CCDC7: variants seen among roughly 807,000 people sequenced by gnomAD.
The protein encoded by CCDC7 is coiled-coil domain containing 7, also known as coiled-coil domain-containing protein 7.
Under a neutral mutation model 196.9 loss-of-function variants are expected in CCDC7, and 183 were observed. The observed-to-expected ratio is 0.93, with a 90% CI of 0.82 to 1.05. CCDC7 has a LOEUF of 1.05. Ranked by LOEUF, CCDC7 falls within the 50% of genes least tolerant of loss-of-function variation. CCDC7 has a pLI of 0.00. For synonymous variants in CCDC7, 525 were observed against 484.6 expected (o/e 1.08, Z -1.10); for missense variants, 1,540 against 1,482.2 (o/e 1.04, Z -0.64).
At chr10:32,560,261 C>A (rs1192882262) in intron 13 of CCDC7, among the ~76,000 whole-genome samples, 1 of 152,156 alleles carries the variant, frequency 6.6e-6, no homozygotes, top group Non-Finnish European at 1.5e-5. Flanking sequence ...AGATATTATC[C>A]AGGAGAACTT....
At chr10:32,556,390 G>T (rs542868625) in intron 13 of CCDC7, among the ~76,000 whole-genome samples, 1 of 152,184 alleles carries the variant, frequency 6.6e-6, no homozygotes, top group East Asian at 1.9e-4. Context: ...GATGTTGTCT[G>T]GTACCTAGAC....
At chr10:32,682,541 G>C (rs755330919) in intron 21 of CCDC7, among the ~76,000 whole-genome samples, 3 of 152,152 alleles carry the variant, frequency 2.0e-5, no homozygotes, top group African/African-American at 7.2e-5. Context: ...GGATCAAATG[G>C]TAGTTCTAAG....
At chr10:32,736,823 A>C (rs2084945450) in intron 28 of CCDC7, among the ~76,000 whole-genome samples, 1 of 152,050 alleles carries the variant, frequency 6.6e-6, no homozygotes, top group Admixed American at 6.6e-5. Flanking sequence ...GAGCAAAAAC[A>C]ATTTTACTCA....
At chr10:32,635,118 A>C (rs1564900436) in exon 20 of CCDC7, 1 of 398,708 alleles carries the variant, frequency 2.5e-6, no homozygotes, top group Non-Finnish European at 4.4e-6. Context: ...TCCAATCTGA[A>C]ACTAAAAATC....
intron 28 of CCDC7, among the ~76,000 whole-genome samples, chr10:32,761,049 A>C (rs551016272): frequency 6.6e-6 from 1 of 152,176 alleles, no homozygotes; most frequent in Admixed American, 6.6e-5. Flanking sequence ...AATGGAAGTA[A>C]TTGTATTTTA....
At chr10:32,556,459 T>G (rs1350806977) in intron 13 of CCDC7, among the ~76,000 whole-genome samples, 1 of 152,162 alleles carries the variant, frequency 6.6e-6, no homozygotes, top group African/African-American at 2.4e-5. Flanking sequence ...ATATCTCAAA[T>G]TTTTTATCTA....
intron 18 of CCDC7, among the ~76,000 whole-genome samples, chr10:32,602,864 G>A (rs2138404342): frequency 6.6e-6 from 1 of 152,294 alleles, no homozygotes; most frequent in East Asian, 1.9e-4. Flanking sequence ...ATAGGCACAT[G>A]TGACATTTGG....
At chr10:32,733,401 G>A (rs1417781134) in intron 28 of CCDC7, among the ~76,000 whole-genome samples, 2 of 151,992 alleles carry the variant, frequency 1.3e-5, no homozygotes, top group Non-Finnish European at 2.9e-5. Flanking sequence ...AAATGGAAGA[G>A]GTATTAGATG....
rs369935547 is a variant in CCDC7 at position 32,574,163 on chromosome 10, A to G, written c.1454+2270A>G. Among the ~76,000 whole-genome samples the G allele has an allele frequency of 1.2e-3, 187 of 152,100 alleles. 4 individuals are homozygous for G. In the South Asian group the frequency reaches 0.038, roughly 31 times the overall value. On this transcript the variant is annotated intron_variant, in intron 16 of 41. Coordinates refer to ENST00000639629, the Ensembl canonical transcript of CCDC7. The stretch of plus-strand genomic sequence containing the variant: ...AAAGATGAAGATGTTTAGAATCTAT[A>G]CAGTGTGCTCAGGAAGAGGCCAAAA...
chr10:32,492,640 C>T (rs886586743), intron 9 of CCDC7, among the ~76,000 whole-genome samples: 4 of 151,710 alleles, frequency 2.6e-5, no homozygotes, highest in Admixed American at 6.6e-5. Context: ...GTAGTGTCAA[C>T]TTCATAGACA....
intron 28 of CCDC7, among the ~76,000 whole-genome samples, chr10:32,750,383 A>T (rs2075471245): frequency 6.6e-6 from 1 of 152,158 alleles, no homozygotes; most frequent in Admixed American, 6.6e-5. Flanking sequence ...ACATAAGGAA[A>T]ACTTTAATAA....
At position 32,837,090 on chromosome 10, in the gene CCDC7, A is replaced by G. The variant is rs186731489; in HGVS notation, c.3352+2192A>G. 7.9e-3 allele frequency among the ~76,000 whole-genome samples: 1,204 copies of G among 152,250 alleles called. 7 individuals carry two copies. Among genetic ancestry groups the G allele is most frequent in the Middle Eastern group, 0.021 (6 of 292 alleles). The stretch of plus-strand genomic sequence containing the variant: ...TTGACAAACGGGATCTAATTAAACT[A>G]AAGAGCTTCTGCACAGCAAAAGAAA... On this transcript the variant is annotated intron_variant, in intron 33 of 41. Transcript: ENST00000639629.
rs768307515 is a variant in CCDC7 at position 32,854,398 on chromosome 10, A to G, written c.4022-2A>G. 5.8e-6 allele frequency: 9 copies of G among 1,563,478 alleles called. No homozygotes were observed. Among genetic ancestry groups the G allele is most frequent in the Non-Finnish European group, 7.0e-6 (8 of 1,139,876 alleles). ...TTAATAACACTGTTCTCATTTTTTT[A>G]GGGCATTCGAAAGTTGTTACCTTAA... On this transcript the variant is annotated splice_acceptor_variant, in intron 40 of 41. Coordinates refer to ENST00000639629, the Ensembl canonical transcript of CCDC7. LOFTEE classifies it high-confidence loss of function.
intron 11 of CCDC7, among the ~76,000 whole-genome samples, chr10:32,530,609 A>G (rs12244231): frequency 0.15 from 23,481 of 151,704 alleles, 1,951 homozygotes; most frequent in South Asian, 0.3. Context: ...TTGATTTTGT[A>G]TCCTGCAACT....
intron 18 of CCDC7, 75 bp from the exon 20 acceptor site, chr10:32,634,179 T>C: frequency 3.3e-6 from 2 of 601,304 alleles, no homozygotes; most frequent in Non-Finnish European, 2.4e-6. Context: ...TGTACATGTT[T>C]AAAATGTGAA....
intron 8 of CCDC7, among the ~76,000 whole-genome samples, chr10:32,490,718 A>C (rs2042015994): frequency 6.6e-6 from 1 of 152,126 alleles, no homozygotes; most frequent in Non-Finnish European, 1.5e-5. Flanking sequence ...AATGGCAGTG[A>C]ACCCGGGAGG....
At chr10:32,545,833 G>GAGGC (rs1195920930) in intron 13 of CCDC7, among the ~76,000 whole-genome samples, 2 of 150,340 alleles carry the variant, frequency 1.3e-5, no homozygotes, top group Non-Finnish European at 3.0e-5. Context: ...GTGAACCCAG[G>GAGGC]AGGCGGAGGC....
chr10:32,717,735 A>T (rs1301324424), intron 25 of CCDC7, among the ~76,000 whole-genome samples: 1 of 152,178 alleles, frequency 6.6e-6, no homozygotes, highest in Non-Finnish European at 1.5e-5. Flanking sequence ...ACCATCAGAG[A>T]ATACCGTAAA....
intron 7 of CCDC7, 149 bp downstream of exon 8, chr10:32,472,691 C>A: frequency 1.5e-6 from 1 of 655,538 alleles, no homozygotes; most frequent in Non-Finnish European, 2.3e-6. Context: ...AACTCTTGGG[C>A]TCAAGTGATC....
Sources: allele counts gnomAD v4.1 joint callset (sites outside exome capture counted in the v4.1 genomes callset), GRCh38; gene constraint gnomAD v4.1.1; transcripts MANE v1.5; gene names NCBI Gene and HGNC (gene_info 2026-07-23, HGNC 2026-07-21).